The following SLC30A6 variants were observed in gnomAD, a reference collection of about 807,000 sequenced individuals.
The protein encoded by SLC30A6 is zinc transporter 6.
A neutral mutation model predicts 63.0 loss-of-function variants in SLC30A6; 55 were observed. The observed-to-expected ratio is 0.87, with a 90% CI of 0.70 to 1.09. The LOEUF is 1.09. Ranked by LOEUF, SLC30A6 falls within the 50% of genes least tolerant of loss-of-function variation. The pLI, the probability that SLC30A6 is intolerant of heterozygous loss-of-function variation, is 0.00. For missense variants in SLC30A6, 587 were observed against 549.2 expected, an observed-to-expected ratio of 1.07 and a Z score of -0.69; for synonymous variants, 224 against 186.1, an observed-to-expected ratio of 1.20 and a Z score of -1.66.
intron 8 of SLC30A6, among the ~76,000 whole-genome samples, chr2:32,195,638 A>G (rs7582854): frequency 1.3e-5 from 2 of 150,754 alleles, no homozygotes; most frequent in African/African-American, 4.9e-5. Context: ...GCTTTGTTGT[A>G]TATTGCCAAA....
intron 4 of SLC30A6, among the ~76,000 whole-genome samples, 196 bp downstream of exon 4, chr2:32,175,557 G>A (rs1164274938): frequency 2.0e-5 from 3 of 152,114 alleles, no homozygotes; most frequent in Admixed American, 6.5e-5. Flanking sequence ...TCCAAAACAG[G>A]CAAATCTATG....
Position 32,165,889 on chromosome 2 carries a change from C to A in SLC30A6, c.-12C>A. 1 of 1,614,114 alleles carries A rather than the reference C, an allele frequency of 6.2e-7. No homozygotes were observed. Among genetic ancestry groups the A allele is most frequent in the Admixed American group, 1.7e-5 (1 of 60,030 alleles). On this transcript the variant is annotated 5_prime_UTR_variant, in exon 1 of 14. Transcript: ENST00000282587. ...AGAACGGCTTCCGGCGGGAGCTGTG[C>A]AGCTCCTTATCATGGTGAGTTGGCT...
chr2:32,202,874 T>C, intron 10 of SLC30A6: 3 of 928,978 alleles, frequency 3.2e-6, no homozygotes, highest in East Asian at 2.4e-5. Context: ...CTCAAAAGGC[T>C]GCAGCTTCTG....
intron 10 of SLC30A6, chr2:32,202,977 A>C (rs553747382): frequency 1.9e-5 from 22 of 1,143,168 alleles, no homozygotes; most frequent in African/African-American, 1.1e-4. Flanking sequence ...AGGGACGGCT[A>C]TTATTTTCTG....
rs750866728 is a variant in SLC30A6, at chr2:32,209,473, C to A, written c.817-20C>A. On this transcript the variant is annotated intron_variant, in intron 12 of 13. Transcript: ENST00000282587. Reference sequence around the variant, plus strand: ...TGTTAAGTACAGACAACTCTGATCACCTCTTTCTGTTTTTGGTAGGTATCT... The same window carrying A: ...TGTTAAGTACAGACAACTCTGATCAACTCTTTCTGTTTTTGGTAGGTATCT... 1.6e-5 allele frequency: 26 copies of A among 1,592,998 alleles called. No individual in the cohort carries two copies. In the East Asian group the frequency reaches 5.2e-4, roughly 32 times the overall value.
At position 32,222,225 on chromosome 2, in the gene SLC30A6, C is replaced by T. The variant is rs1023001545; in HGVS notation, c.*1512C>T. The T allele has an allele frequency of 6.6e-6, 1 of 152,134 alleles. No homozygotes were observed. The highest frequency in any genetic ancestry group is 1.5e-5 in the Non-Finnish European group (1 of 68,014). 9.4% of individuals were successfully genotyped at this position (152,134 alleles called of 1,614,324 possible). A position where few individuals can be genotyped will look rare whatever the true frequency, so the allele number is the denominator to read the frequency against. ...CTAGTATTACTTCCAAAAAGTATAA[C>T]AAGCAGCAGTCACACATGACCTAGG... On this transcript the variant is annotated 3_prime_UTR_variant, in exon 14 of 14. Coordinates refer to ENST00000282587, the MANE Select transcript of SLC30A6 (RefSeq NM_017964.5).
At chr2:32,215,018 C>T (rs1049552125) in intron 13 of SLC30A6, among the ~76,000 whole-genome samples, 1 of 152,120 alleles carries the variant, frequency 6.6e-6, no homozygotes, top group Admixed American at 6.6e-5. Context: ...TTGACAGTAG[C>T]TCTCTTACTA....
chr2:32,165,889 C>G lies in SLC30A6; in HGVS notation c.-12C>G. The G allele has an allele frequency of 1.2e-6, 2 of 1,614,114 alleles. No individual in the cohort carries two copies. Among genetic ancestry groups the G allele is most frequent in the Non-Finnish European group, 1.7e-6 (2 of 1,179,990 alleles). ...AGAACGGCTTCCGGCGGGAGCTGTG[C>G]AGCTCCTTATCATGGTGAGTTGGCT... On this transcript the variant is annotated 5_prime_UTR_variant, in exon 1 of 14. Coordinates refer to ENST00000282587, the MANE Select transcript of SLC30A6 (RefSeq NM_017964.5).
At chr2:32,177,240 A>C (rs1433345407) in intron 4 of SLC30A6, among the ~76,000 whole-genome samples, 1 of 152,206 alleles carries the variant, frequency 6.6e-6, no homozygotes, top group African/African-American at 2.4e-5. Flanking sequence ...AAGTGGAATC[A>C]TACAATATAC....
At chr2:32,178,293 C>A (rs1257822331) in intron 4 of SLC30A6, among the ~76,000 whole-genome samples, 1 of 151,904 alleles carries the variant, frequency 6.6e-6, no homozygotes, top group Non-Finnish European at 1.5e-5. Flanking sequence ...CAGATTCATT[C>A]TTTTGCATGT....
intron 5 of SLC30A6, among the ~76,000 whole-genome samples, chr2:32,191,416 T>C (rs1334403874): frequency 6.6e-6 from 1 of 152,196 alleles, no homozygotes; most frequent in African/African-American, 2.4e-5. Context: ...TTTTTGTCTT[T>C]TCTGTGCCTC....
chr2:32,178,049 G>A (rs1681939607), intron 4 of SLC30A6, among the ~76,000 whole-genome samples: 1 of 149,446 alleles, frequency 6.7e-6, no homozygotes, highest in Non-Finnish European at 1.5e-5. Flanking sequence ...CCAGGTTCAT[G>A]CCATTCTCCT....
intron 5 of SLC30A6, 82 bp from the exon 6 acceptor site, chr2:32,192,250 CAAAT>C (rs1683393500): frequency 8.1e-7 from 1 of 1,233,360 alleles, no homozygotes; most frequent in East Asian, 2.3e-5. Flanking sequence ...ATTAAGTGAG[CAAAT>C]AAATGAATGT....
At chr2:32,191,642 G>A (rs538743636) in intron 5 of SLC30A6, among the ~76,000 whole-genome samples, 5 of 152,262 alleles carry the variant, frequency 3.3e-5, no homozygotes, top group Admixed American at 1.3e-4. Flanking sequence ...GTGTCAGAGT[G>A]TTTGAGTTTG....
intron 2 of SLC30A6, among the ~76,000 whole-genome samples, chr2:32,173,622 C>A (rs28408351): frequency 0.089 from 13,493 of 152,134 alleles, 671 homozygotes; most frequent in Middle Eastern, 0.12. Flanking sequence ...CCTTGGCCTC[C>A]CAAAGTGCTG....
At position 32,167,200 on chromosome 2, in the gene SLC30A6, C is replaced by T. The variant is rs145998662; in HGVS notation, c.3+1297C>T. Among the ~76,000 whole-genome samples, 372 of 152,064 alleles carry T rather than the reference C, an allele frequency of 2.4e-3. 1 individual carries two copies. Among genetic ancestry groups the T allele is most frequent in the Non-Finnish European group, 3.3e-3 (222 of 67,966 alleles). ...AAGCGATTCTCCTGCCTCACCTTCC[C>T]GAGCAGCTGGGATTACAGGAATGCG... On this transcript the variant is annotated intron_variant, in intron 1 of 13. Transcript: ENST00000282587.
At chr2:32,166,080 C>T (rs976673638) in intron 1 of SLC30A6, among the ~76,000 whole-genome samples, 177 bp downstream of exon 1, 74 of 152,234 alleles carry the variant, frequency 4.9e-4, no homozygotes, top group Non-Finnish European at 4.3e-4. Context: ...GTTCTGGTCC[C>T]TTTCGGTCCC....
chr2:32,187,627 A>G (rs1682951529), intron 5 of SLC30A6, among the ~76,000 whole-genome samples: 1 of 152,198 alleles, frequency 6.6e-6, no homozygotes, highest in African/African-American at 2.4e-5. Flanking sequence ...AACTATCTAG[A>G]ATTTCAGACT....
rs543259692 is a variant in SLC30A6 at position 32,180,553 on chromosome 2, C to T, written c.219-3720C>T. On this transcript the variant is annotated intron_variant, in intron 4 of 13. Transcript: ENST00000282587. Reference sequence around the variant, plus strand: ...TCTCAAGCGATTCTCCTGTCTTAGCCGCCCGAGTAGCTGGGATTACAGGCA... The same window carrying T: ...TCTCAAGCGATTCTCCTGTCTTAGCTGCCCGAGTAGCTGGGATTACAGGCA... Among the ~76,000 whole-genome samples, 194 of 152,250 alleles carry T rather than the reference C, an allele frequency of 1.3e-3. 1 individual carries two copies. The highest frequency in any genetic ancestry group is 4.5e-3 in the African/African-American group (186 of 41,528).
Sources: gnomAD v4.1 joint callset for allele counts (sites outside exome capture counted in the v4.1 genomes callset) on GRCh38, gnomAD v4.1.1 for gene constraint, MANE v1.5 for transcripts, NCBI Gene and HGNC (gene_info 2026-07-23, HGNC 2026-07-21) for gene names.